VEPH1: variants seen among roughly 807,000 people sequenced by gnomAD.
VEPH1 encodes the protein ventricular zone-expressed PH domain-containing protein homolog 1.
VEPH1 carries 80 observed loss-of-function variants against 85.2 expected under a neutral mutation model. The observed-to-expected ratio is 0.94, with a 90% CI of 0.78 to 1.13. The LOEUF (loss-of-function observed/expected upper bound fraction) is 1.13, where lower values mean the gene tolerates loss of function less well. Among genes scored for constraint, VEPH1 ranks in the 50% most tolerant of loss-of-function variants. The pLI is 0.00. For synonymous variants in VEPH1, 297 were observed against 348.0 expected (o/e 0.85, Z 1.63); for missense variants, 955 against 980.5 (o/e 0.97, Z 0.35).
chr3:157,325,998 C>T (rs951188267), intron 9 of VEPH1, among the ~76,000 whole-genome samples: 6 of 152,094 alleles, frequency 3.9e-5, no homozygotes, highest in African/African-American at 1.4e-4. Flanking sequence ...TGTGTCATCT[C>T]CGATTTCTTT....
intron 12 of VEPH1, among the ~76,000 whole-genome samples, chr3:157,269,156 T>C (rs16827388): frequency 0.021 from 3,141 of 152,312 alleles, 105 homozygotes; most frequent in African/African-American, 0.073. Flanking sequence ...ACATAGAGGA[T>C]TAACTACTTT....
intron 11 of VEPH1, among the ~76,000 whole-genome samples, chr3:157,302,434 G>A (rs770289392): frequency 3.4e-4 from 51 of 152,132 alleles, no homozygotes; most frequent in Non-Finnish European, 5.4e-4. Flanking sequence ...GGAGGCCTTT[G>A]GGAGGTATTA....
intron 9 of VEPH1, among the ~76,000 whole-genome samples, chr3:157,329,171 A>T (rs1010903270): frequency 6.6e-6 from 1 of 152,194 alleles, no homozygotes; most frequent in African/African-American, 2.4e-5. Flanking sequence ...ACTTGTTGAT[A>T]ATTTGCTTTT....
chr3:157,413,452 T>A, intron 6 of VEPH1: 1 of 985,242 alleles, frequency 1.0e-6, no homozygotes, highest in Non-Finnish European at 1.2e-6. Context: ...CTGTGCTTAC[T>A]GATGGTCTCC....
chr3:157,381,914 C>T (rs1466159249), intron 6 of VEPH1, among the ~76,000 whole-genome samples: 1 of 152,132 alleles, frequency 6.6e-6, no homozygotes, highest in Non-Finnish European at 1.5e-5. Context: ...CAAACATACT[C>T]ATTAACCTAT....
intron 2 of VEPH1, among the ~76,000 whole-genome samples, chr3:157,491,742 CAAT>C (rs954395643): frequency 2.7e-4 from 41 of 152,114 alleles, no homozygotes; most frequent in African/African-American, 9.6e-4. Context: ...GGCTTAAAGA[CAAT>C]AATTTTTTTT....
At chr3:157,281,099 T>TGA (rs1716042925) in intron 12 of VEPH1, among the ~76,000 whole-genome samples, 2 of 135,564 alleles carry the variant, frequency 1.5e-5, no homozygotes, top group Non-Finnish European at 1.7e-5. Flanking sequence ...TGTGTGTGTG[T>TGA]GTGAGAGAGA....
chr3:157,393,939 T>C (rs1453708549), intron 6 of VEPH1, among the ~76,000 whole-genome samples: 2 of 152,212 alleles, frequency 1.3e-5, no homozygotes, highest in Non-Finnish European at 1.5e-5. Context: ...AAATCTCAAA[T>C]ACTCTCATTG....
chr3:157,343,787 T>A (rs1723877101), intron 9 of VEPH1, among the ~76,000 whole-genome samples: 1 of 152,194 alleles, frequency 6.6e-6, no homozygotes, highest in African/African-American at 2.4e-5. Flanking sequence ...AATAAAATAC[T>A]GGCAAACCGA....
intron 12 of VEPH1, among the ~76,000 whole-genome samples, chr3:157,285,910 A>G (rs775634447): frequency 1.3e-5 from 2 of 152,142 alleles, no homozygotes; most frequent in Non-Finnish European, 2.9e-5. Flanking sequence ...TAAAGCAGAG[A>G]TAATGTCAGT....
intron 11 of VEPH1, among the ~76,000 whole-genome samples, chr3:157,305,327 G>C (rs957163707): frequency 3.3e-5 from 5 of 151,350 alleles, no homozygotes; most frequent in African/African-American, 7.3e-5. Flanking sequence ...AGCCGGGATG[G>C]TCTCGATCTC....
intron 6 of VEPH1, among the ~76,000 whole-genome samples, chr3:157,402,875 A>G (rs556814357): frequency 2.6e-5 from 4 of 152,246 alleles, no homozygotes; most frequent in African/African-American, 9.6e-5. Flanking sequence ...TAATATTATG[A>G]TCTATACCTG....
intron 9 of VEPH1, among the ~76,000 whole-genome samples, chr3:157,320,003 C>T (rs1559955509): frequency 6.6e-6 from 1 of 152,122 alleles, no homozygotes. Flanking sequence ...GCTTTCTTGG[C>T]TTGCAAAATT....
At chr3:157,383,817 G>T (rs1421949711) in intron 6 of VEPH1, among the ~76,000 whole-genome samples, 1 of 151,982 alleles carries the variant, frequency 6.6e-6, no homozygotes. Flanking sequence ...TGGAGACCCT[G>T]TTTCATATTT....
At chr3:157,480,880 C>G (rs1737976909) in intron 2 of VEPH1, among the ~76,000 whole-genome samples, 1 of 152,154 alleles carries the variant, frequency 6.6e-6, no homozygotes, top group East Asian at 1.9e-4. Flanking sequence ...CTGGTTTCCA[C>G]AGTGGCTGAA....
chr3:157,381,370 C>T lies in VEPH1; in HGVS notation c.913G>A (p.Ala305Thr), dbSNP rs560421888. 1 of 1,614,030 alleles carries T rather than the reference C, an allele frequency of 6.2e-7. No individual in the cohort carries two copies. The highest frequency in any genetic ancestry group is 1.7e-5 in the Admixed American group (1 of 59,996). The change falls in exon 7 of 14, where the codon GCC (alanine) becomes ACC (threonine). Residue 305 changes from alanine to threonine, a missense_variant. Coordinates refer to ENST00000362010, the MANE Select transcript of VEPH1 (RefSeq NM_001167912.2). ...ACCAGGTATGTCAGGCAGCTCCTGG[C>T]TCTCTCCTACCAAAAACAATGAAGA... Reference protein sequence around the residue: ...GAVGHVDEERARSCLTYLVSQ... With the variant: ...GAVGHVDEERTRSCLTYLVSQ...
At chr3:157,333,739 C>T (rs1722705960) in intron 9 of VEPH1, among the ~76,000 whole-genome samples, 1 of 152,188 alleles carries the variant, frequency 6.6e-6, no homozygotes, top group Non-Finnish European at 1.5e-5. Context: ...ATTCCATGTG[C>T]TACCAATTAC....
chr3:157,322,088 A>G (rs941549256), intron 9 of VEPH1, among the ~76,000 whole-genome samples: 1 of 152,004 alleles, frequency 6.6e-6, no homozygotes, highest in Admixed American at 6.6e-5. Flanking sequence ...TTGAAACCCT[A>G]TACCCATTAA....
chr3:157,490,574 TGCTTCACTTA>T (rs1739137590), intron 2 of VEPH1, among the ~76,000 whole-genome samples: 2 of 152,170 alleles, frequency 1.3e-5, no homozygotes, highest in Admixed American at 1.3e-4. Flanking sequence ...AATTACATGC[TGCTTCACTTA>T]GATTAAAAAA....
Sources: gnomAD v4.1 joint callset for allele counts (sites outside exome capture counted in the v4.1 genomes callset) on GRCh38, gnomAD v4.1.1 for gene constraint, MANE v1.5 for transcripts, NCBI Gene and HGNC (gene_info 2026-07-23, HGNC 2026-07-21) for gene names.